RGS5: variants seen among roughly 807,000 people sequenced by gnomAD.
RGS5 encodes regulator of G protein signaling 5.
RGS5 carries 20 observed loss-of-function variants against 18.9 expected under a neutral mutation model. The ratio of observed to expected loss-of-function variants is 1.06; its 90% confidence interval spans 0.74 to 1.54. The LOEUF (loss-of-function observed/expected upper bound fraction) is 1.54, where lower values mean the gene tolerates loss of function less well. RGS5 is among the 40% of genes most tolerant of loss of function. The pLI, the probability that RGS5 is intolerant of heterozygous loss-of-function variation, is 0.00. For synonymous variants in RGS5, 57 were observed against 76.2 expected, an observed-to-expected ratio of 0.75 and a Z score of 1.31; for missense variants, 201 against 211.8, an observed-to-expected ratio of 0.95 and a Z score of 0.32.
chr1:163,298,985 C>T (rs1308471791), intron 2 of RGS5, among the ~76,000 whole-genome samples: 2 of 151,402 alleles, frequency 1.3e-5, no homozygotes, highest in Non-Finnish European at 2.9e-5. Flanking sequence ...GATAGAAGCA[C>T]ATACATGAGA....
intron 2 of RGS5, among the ~76,000 whole-genome samples, chr1:163,278,595 C>T (rs1648916579): frequency 6.6e-6 from 1 of 151,946 alleles, no homozygotes; most frequent in East Asian, 1.9e-4. Flanking sequence ...AATGTTATCA[C>T]TACCAAATCA....
intron 2 of RGS5, among the ~76,000 whole-genome samples, chr1:163,284,352 G>C (rs1243064467): frequency 6.6e-6 from 1 of 152,014 alleles, no homozygotes; most frequent in Non-Finnish European, 1.5e-5. Context: ...TCATGCTCAT[G>C]GCTACAGAGT....
At chr1:163,308,218 A>C (rs1454526120) in intron 1 of RGS5, among the ~76,000 whole-genome samples, 1 of 152,216 alleles carries the variant, frequency 6.6e-6, no homozygotes, top group Non-Finnish European at 1.5e-5. Context: ...AATCTTTTAC[A>C]TATTAGTTCA....
chr1:163,169,270 C>T (rs1357612934), intron 1 of RGS5, among the ~76,000 whole-genome samples: 6 of 151,982 alleles, frequency 3.9e-5, no homozygotes, highest in Non-Finnish European at 8.8e-5. Context: ...CATTGTTGGA[C>T]ATTTGGGTTG....
chr1:163,270,247 C>T (rs1019176991), intron 2 of RGS5, among the ~76,000 whole-genome samples: 2 of 151,252 alleles, frequency 1.3e-5, no homozygotes, highest in Admixed American at 6.6e-5. Context: ...CATGGTGGCT[C>T]ACACCTGTAA....
intron 2 of RGS5, among the ~76,000 whole-genome samples, chr1:163,277,130 T>C (rs1459106547): frequency 6.6e-6 from 1 of 152,206 alleles, no homozygotes; most frequent in South Asian, 2.1e-4. Context: ...CAGACATTCC[T>C]TTCTATTGAT....
chr1:163,163,413 A>T (rs1307092773), intron 2 of RGS5, among the ~76,000 whole-genome samples: 1 of 152,102 alleles, frequency 6.6e-6, no homozygotes, highest in Non-Finnish European at 1.5e-5. Context: ...TGCCTCAGAA[A>T]TTTATTTCTA....
intron 1 of RGS5, among the ~76,000 whole-genome samples, chr1:163,200,731 A>G (rs1186110257): frequency 1.3e-5 from 2 of 152,164 alleles, no homozygotes; most frequent in Non-Finnish European, 2.9e-5. Flanking sequence ...TGCGTATTCT[A>G]CCACATCCCA....
rs1429373041 is a variant in RGS5 at position 163,180,684 on chromosome 1, C to CTTTTTT, written c.45-12317_45-12316insAAAAAA. ...GCCCCTTTGTAATAAAGCCCTTACC[C>CTTTTTT]TGTTTTTTTTTTTTTTTTTTTTTTT... is the stretch of plus-strand genomic sequence containing the variant. On this transcript the variant is annotated intron_variant, in intron 1 of 4. Coordinates refer to ENST00000313961, the MANE Select transcript of RGS5 (RefSeq NM_003617.4). Among the ~76,000 whole-genome samples the CTTTTTT allele has an allele frequency of 5.7e-4, 47 of 81,884 alleles. 1 individual carries two copies. In the South Asian group the frequency reaches 0.013, roughly 23 times the overall value. 53.7% of individuals were successfully genotyped at this position (81,884 alleles called of 152,430 possible).
intron 1 of RGS5, among the ~76,000 whole-genome samples, chr1:163,178,359 A>C (rs1024907785): frequency 6.6e-6 from 1 of 152,022 alleles, no homozygotes; most frequent in African/African-American, 2.4e-5. Flanking sequence ...TAAATAAAAG[A>C]AGCAGAAAAA....
intron 3 of RGS5, among the ~76,000 whole-genome samples, chr1:163,159,816 A>G (rs1367590110): frequency 6.6e-6 from 1 of 152,208 alleles, no homozygotes; most frequent in Non-Finnish European, 1.5e-5. Context: ...ACACATATAT[A>G]CACATATATA....
At chr1:163,170,970 T>C (rs1198854947) in intron 1 of RGS5, among the ~76,000 whole-genome samples, 1 of 152,212 alleles carries the variant, frequency 6.6e-6, no homozygotes, top group Non-Finnish European at 1.5e-5. Context: ...CCTAAGACTT[T>C]TTGAGATGAT....
rs2102377961 is a variant in RGS5 at position 163,147,386 on chromosome 1, G to T, written c.502C>A (p.Pro168Thr). The T allele has an allele frequency of 6.2e-7, 1 of 1,612,016 alleles. No homozygotes were observed. The highest frequency in any genetic ancestry group is 1.7e-4 in the Middle Eastern group (1 of 6,048). The change falls in exon 5 of 5, where the codon CCT (proline) becomes ACT (threonine). Residue 168 changes from proline to threonine, a missense_variant. By Grantham distance (38) the Pro-to-Thr change is conservative. Transcript: ENST00000313961. ...TAAAACTCAGAGCGCACAAAGCGAG[G>T]CAGAGAATCCTTTTCCATCAGGGCA... ...IHALMEKDSLPRFVRSEFYQE... is the reference protein window; with the variant it reads ...IHALMEKDSLTRFVRSEFYQE...
intron 1 of RGS5, among the ~76,000 whole-genome samples, chr1:163,215,138 T>C (rs1467129156): frequency 6.7e-6 from 1 of 149,440 alleles, no homozygotes; most frequent in Admixed American, 6.6e-5. Flanking sequence ...GCCTCAACCT[T>C]AGATTCTTGA....
At chr1:163,184,610 C>T (rs747554443) in intron 1 of RGS5, among the ~76,000 whole-genome samples, 57 of 152,066 alleles carry the variant, frequency 3.7e-4, no homozygotes, top group Non-Finnish European at 7.6e-4. Context: ...GGGAATTTAT[C>T]CTGGATTATC....
chr1:163,188,938 C>A (rs554480272), intron 1 of RGS5, among the ~76,000 whole-genome samples: 1 of 118,372 alleles, frequency 8.4e-6, no homozygotes, highest in East Asian at 2.7e-4. Flanking sequence ...GGCAACAGAG[C>A]GAGACCCCAT....
At chr1:163,196,006 G>A (rs1233028790) in intron 1 of RGS5, among the ~76,000 whole-genome samples, 2 of 152,100 alleles carry the variant, frequency 1.3e-5, no homozygotes, top group Non-Finnish European at 2.9e-5. Context: ...TTCAAGCGCT[G>A]GTCTTGAGGC....
chr1:163,149,183 T>C (rs1042791196), intron 4 of RGS5, among the ~76,000 whole-genome samples: 3 of 152,252 alleles, frequency 2.0e-5, no homozygotes, highest in Middle Eastern at 3.4e-3. Flanking sequence ...AGCGTCAGAG[T>C]TGATGAAGTC....
At chr1:163,165,331 A>G (rs1369418255) in intron 2 of RGS5, among the ~76,000 whole-genome samples, 2 of 152,254 alleles carry the variant, frequency 1.3e-5, no homozygotes, top group African/African-American at 4.8e-5. Context: ...TTGCTGACAT[A>G]GGCAGGGGAA....
Sources: gnomAD v4.1 joint callset for allele counts (sites outside exome capture counted in the v4.1 genomes callset) on GRCh38, gnomAD v4.1.1 for gene constraint, MANE v1.5 for transcripts, NCBI Gene and HGNC (gene_info 2026-07-23, HGNC 2026-07-21) for gene names.